Variants in GALNTL6 observed in about 807,000 individuals in gnomAD.
The protein encoded by GALNTL6 is polypeptide N-acetylgalactosaminyltransferase-like 6.
In GALNTL6, 46 loss-of-function variants were observed where a neutral mutation model predicts 73.7. The observed-to-expected ratio is 0.62, with a 90% CI of 0.49 to 0.80. GALNTL6 has a LOEUF of 0.80. Ranked by LOEUF, GALNTL6 falls within the 30% of genes least tolerant of loss-of-function variation. The pLI, the probability that GALNTL6 is intolerant of heterozygous loss-of-function variation, is 0.00. For missense variants in GALNTL6, 604 were observed against 755.0 expected (o/e 0.80, Z 2.34); for synonymous variants, 259 against 263.7 (o/e 0.98, Z 0.17).
At chr4:172,073,307 T>C (rs1393976953) in intron 2 of GALNTL6, among the ~76,000 whole-genome samples, 1 of 152,184 alleles carries the variant, frequency 6.6e-6, no homozygotes, top group African/African-American at 2.4e-5. Flanking sequence ...CTTGAAGCCA[T>C]TAAACCATTT....
intron 8 of GALNTL6, among the ~76,000 whole-genome samples, chr4:172,885,884 C>T (rs1198250908): frequency 6.6e-6 from 1 of 152,174 alleles, no homozygotes; most frequent in Non-Finnish European, 1.5e-5. Flanking sequence ...GTTGAACCAT[C>T]TTTGCATCTT....
At chr4:172,156,542 TATATATA>T (rs1734277472) in intron 2 of GALNTL6, among the ~76,000 whole-genome samples, 1 of 16,046 alleles carries the variant, frequency 6.2e-5, no homozygotes, top group Non-Finnish European at 1.2e-4. Flanking sequence ...ATATATATAA[TATATATA>T]TATATATATA....
intron 5 of GALNTL6, among the ~76,000 whole-genome samples, chr4:172,698,995 C>T (rs958818796): frequency 6.6e-6 from 1 of 151,978 alleles, no homozygotes; most frequent in Non-Finnish European, 1.5e-5. Flanking sequence ...TCTCATAGTT[C>T]GGGAATCTGG....
At chr4:172,926,871 TAC>T (rs1219421652) in intron 8 of GALNTL6, among the ~76,000 whole-genome samples, 2 of 152,178 alleles carry the variant, frequency 1.3e-5, no homozygotes, top group African/African-American at 2.4e-5. Context: ...CTCAAATAAT[TAC>T]AGTCACTAAA....
chr4:171,970,514 A>G (rs1463094122), intron 2 of GALNTL6, among the ~76,000 whole-genome samples: 1 of 152,244 alleles, frequency 6.6e-6, no homozygotes, highest in Admixed American at 6.5e-5. Flanking sequence ...GATAAATTTC[A>G]TATCAGTTTT....
At chr4:172,657,379 C>T (rs1007634498) in intron 5 of GALNTL6, among the ~76,000 whole-genome samples, 1 of 152,144 alleles carries the variant, frequency 6.6e-6, no homozygotes, top group South Asian at 2.1e-4. Flanking sequence ...AGAAATTCAT[C>T]TTCTAAAGGT....
chr4:171,988,331 A>G lies in GALNTL6; in HGVS notation c.138+173613A>G, dbSNP rs377303045. On this transcript the variant is annotated intron_variant, in intron 2 of 12. Coordinates refer to ENST00000506823, the MANE Select transcript of GALNTL6 (RefSeq NM_001034845.3). ...CGTGTGTTTTTATGAGAATTATGCCAAGATACGTAACAGATGTGGATGAAA... is the reference window on the plus strand; with the variant it reads ...CGTGTGTTTTTATGAGAATTATGCCGAGATACGTAACAGATGTGGATGAAA... 3.8e-3 allele frequency among the ~76,000 whole-genome samples: 580 copies of G among 152,314 alleles called. 5 individuals carry two copies. The highest frequency in any genetic ancestry group is 0.013 in the African/African-American group (532 of 41,558).
chr4:172,606,704 G>GTA (rs1318552738), intron 5 of GALNTL6, among the ~76,000 whole-genome samples: 99 of 102,470 alleles, frequency 9.7e-4, no homozygotes, highest in African/African-American at 3.3e-3. Flanking sequence ...TATATAGTGT[G>GTA]TATATATATA....
intron 7 of GALNTL6, among the ~76,000 whole-genome samples, chr4:172,872,694 C>A (rs1745007694): frequency 6.6e-6 from 1 of 152,156 alleles, no homozygotes; most frequent in Admixed American, 6.5e-5. Flanking sequence ...AGAGTCAAAC[C>A]AGAAAAGAAA....
intron 5 of GALNTL6, among the ~76,000 whole-genome samples, chr4:172,599,013 A>G (rs1370590816): frequency 6.6e-6 from 1 of 152,174 alleles, no homozygotes; most frequent in Admixed American, 6.6e-5. Flanking sequence ...GGAGAAAGGT[A>G]TGGGAAGGAG....
At chr4:171,835,545 T>C (rs752195296) in intron 2 of GALNTL6, among the ~76,000 whole-genome samples, 1 of 152,058 alleles carries the variant, frequency 6.6e-6, no homozygotes, top group African/African-American at 2.4e-5. Context: ...TTATTATGTA[T>C]AATGTAACAT....
intron 5 of GALNTL6, among the ~76,000 whole-genome samples, chr4:172,614,187 A>T (rs1738632685): frequency 6.6e-6 from 1 of 151,992 alleles, no homozygotes; most frequent in Admixed American, 6.6e-5. Flanking sequence ...CCTCTCTCTC[A>T]ATCGCTCTTG....
chr4:172,561,253 C>A (rs1736350518), intron 5 of GALNTL6, among the ~76,000 whole-genome samples: 1 of 113,896 alleles, frequency 8.8e-6, no homozygotes, highest in Non-Finnish European at 1.8e-5. Flanking sequence ...GAGAGAGACT[C>A]CGTCTCAAAA....
chr4:172,191,703 T>C (rs1333623413), intron 2 of GALNTL6, among the ~76,000 whole-genome samples: 1 of 152,218 alleles, frequency 6.6e-6, no homozygotes, highest in African/African-American at 2.4e-5. Context: ...ACTTCCCTCT[T>C]GAGAGGGCTA....
chr4:172,580,872 A>G (rs573020730), intron 5 of GALNTL6, among the ~76,000 whole-genome samples: 2 of 152,244 alleles, frequency 1.3e-5, no homozygotes, highest in African/African-American at 2.4e-5. Flanking sequence ...CTCCATCTCC[A>G]GGGTTCAAGC....
intron 2 of GALNTL6, among the ~76,000 whole-genome samples, chr4:171,925,807 G>A (rs1737959863): frequency 6.6e-6 from 1 of 151,988 alleles, no homozygotes; most frequent in Non-Finnish European, 1.5e-5. Context: ...AAAACTCTGA[G>A]CTACTTTTAC....
At chr4:172,526,913 G>A (rs1433800992) in intron 5 of GALNTL6, among the ~76,000 whole-genome samples, 2 of 149,938 alleles carry the variant, frequency 1.3e-5, no homozygotes, top group African/African-American at 4.9e-5. Flanking sequence ...ATTTGGCTTC[G>A]CTTTAGTGTA....
At chr4:172,948,615 C>A (rs982437743) in intron 9 of GALNTL6, among the ~76,000 whole-genome samples, 7 of 113,476 alleles carry the variant, frequency 6.2e-5, no homozygotes, top group Non-Finnish European at 9.4e-5. Context: ...ACCAGCCTCG[C>A]TAATTTTTTT....
chr4:172,051,848 CAT>C (rs1172342292), intron 2 of GALNTL6, among the ~76,000 whole-genome samples: 1 of 152,082 alleles, frequency 6.6e-6, no homozygotes, highest in Non-Finnish European at 1.5e-5. Context: ...GTCTCCTGTC[CAT>C]ATCATTAGTT....
Sources: gnomAD v4.1 joint callset for allele counts (sites outside exome capture counted in the v4.1 genomes callset) on GRCh38, gnomAD v4.1.1 for gene constraint, MANE v1.5 for transcripts, NCBI Gene and HGNC (gene_info 2026-07-23, HGNC 2026-07-21) for gene names.